The following EPB41L2 variants were observed in gnomAD, a reference collection of about 807,000 sequenced individuals.
EPB41L2 encodes erythrocyte membrane protein band 4.1 like 2, also known as band 4.1-like protein 2.
EPB41L2 carries 43 observed loss-of-function variants against 113.0 expected under a neutral mutation model. The observed-to-expected ratio is 0.38, with a 90% confidence interval of 0.30 to 0.49. The LOEUF is 0.49. Among genes scored for constraint, EPB41L2 ranks in the 20% least tolerant of loss-of-function variants. EPB41L2 has a pLI of 0.95. For synonymous variants in EPB41L2, 442 were observed against 436.7 expected, an observed-to-expected ratio of 1.01 and a Z score of -0.15; for missense variants, 1,147 against 1,223.4, an observed-to-expected ratio of 0.94 and a Z score of 0.93.
intron 3 of EPB41L2, among the ~76,000 whole-genome samples, chr6:130,933,649 G>A (rs968743792): frequency 1.3e-5 from 2 of 152,112 alleles, no homozygotes; most frequent in Admixed American, 1.3e-4. Context: ...TAGAATGCTA[G>A]CTTTTGGGAA....
intron 1 of EPB41L2, among the ~76,000 whole-genome samples, chr6:131,029,558 T>C (rs1791632924): frequency 6.6e-6 from 1 of 152,174 alleles, no homozygotes; most frequent in South Asian, 2.1e-4. Flanking sequence ...GATTCAACAT[T>C]AGAACTATCA....
At chr6:130,952,012 G>T (rs1815288304) in intron 3 of EPB41L2, among the ~76,000 whole-genome samples, 1 of 152,152 alleles carries the variant, frequency 6.6e-6, no homozygotes, top group South Asian at 2.1e-4. Flanking sequence ...TAAAAGTCGT[G>T]AAGATTTGCA....
At chr6:130,957,481 T>C (rs547925998) in intron 1 of EPB41L2, among the ~76,000 whole-genome samples, 5 of 152,266 alleles carry the variant, frequency 3.3e-5, no homozygotes, top group South Asian at 2.1e-4. Flanking sequence ...CAACGAGTAG[T>C]GTCCCAGCTA....
chr6:131,005,202 A>G (rs911001449), intron 1 of EPB41L2, among the ~76,000 whole-genome samples: 2 of 151,990 alleles, frequency 1.3e-5, no homozygotes, highest in Non-Finnish European at 2.9e-5. Context: ...TTAACCTTCA[A>G]AAACCTCTAA....
At chr6:130,979,857 G>T (rs1778995533) in intron 1 of EPB41L2, among the ~76,000 whole-genome samples, 1 of 152,194 alleles carries the variant, frequency 6.6e-6, no homozygotes, top group Non-Finnish European at 1.5e-5. Flanking sequence ...ACAGAGCCTG[G>T]TTTCCAGACT....
Position 130,865,572 on chromosome 6 carries a change from C to T in EPB41L2, c.2793G>A (p.Glu931=). The change falls in exon 17 of 20, where the codon GAG becomes GAA. Residue 931 remains glutamate, a synonymous_variant. Transcript: ENST00000337057. The part of the protein sequence containing the change: ...TLLTAQTITS[E]SVSTTTTTHI... ...GTGTGGTTGTCGTTGTTGACACGGA[C>T]TCAGATGTGATGGTTTGTGCGGTCA... is the stretch of plus-strand genomic sequence containing the variant. 6.2e-7 allele frequency: 1 copy of T among 1,614,154 alleles called. No individual in the cohort carries two copies. Among genetic ancestry groups the T allele is most frequent in the Non-Finnish European group, 8.5e-7 (1 of 1,180,038 alleles).
rs1318448298 is a variant in EPB41L2 at position 130,839,639 on chromosome 6, T to G, written c.*965A>C. ...AACTATCTGAAAGAGATAGGCCTGCTCAATAACAAAAGGTAAGTTTTACAT... is the reference window on the plus strand; with the variant it reads ...AACTATCTGAAAGAGATAGGCCTGCGCAATAACAAAAGGTAAGTTTTACAT... On this transcript the variant is annotated 3_prime_UTR_variant, in exon 20 of 20. Coordinates refer to ENST00000337057, the MANE Select transcript of EPB41L2 (RefSeq NM_001431.4). The G allele has an allele frequency of 6.6e-6, 1 of 152,164 alleles. No homozygotes were observed. Among genetic ancestry groups the G allele is most frequent in the Non-Finnish European group, 1.5e-5 (1 of 68,040 alleles). 9.4% of individuals were successfully genotyped at this position (152,164 alleles called of 1,614,324 possible).
chr6:130,878,351 T>TAA (rs941808980), intron 13 of EPB41L2, 101 bp from the exon 14 acceptor site: 42 of 1,196,150 alleles, frequency 3.5e-5, no homozygotes, highest in East Asian at 6.3e-5. Flanking sequence ...AACTTACGAT[T>TAA]AAAAAAAAAA....
intron 1 of EPB41L2, among the ~76,000 whole-genome samples, chr6:131,018,889 G>C (rs992001665): frequency 2.0e-5 from 3 of 152,110 alleles, no homozygotes; most frequent in Non-Finnish European, 2.9e-5. Context: ...GTTCAAATCA[G>C]GTTTACTGGT....
At chr6:130,898,335 G>C (rs1001534291) in intron 8 of EPB41L2, among the ~76,000 whole-genome samples, 1 of 152,120 alleles carries the variant, frequency 6.6e-6, no homozygotes, top group Non-Finnish European at 1.5e-5. Context: ...CAGAGGCCTA[G>C]GGAGGAAAGA....
intron 18 of EPB41L2, among the ~76,000 whole-genome samples, chr6:130,862,461 C>T (rs747870212): frequency 3.9e-5 from 6 of 152,168 alleles, no homozygotes; most frequent in African/African-American, 1.2e-4. Flanking sequence ...ATTTCTCAGG[C>T]GAAACTCAAG....
At chr6:130,983,214 C>A (rs745963033) in intron 1 of EPB41L2, among the ~76,000 whole-genome samples, 21 of 152,218 alleles carry the variant, frequency 1.4e-4, no homozygotes, top group Non-Finnish European at 3.1e-4. Context: ...ATGTTTCTAT[C>A]TTCCAAACAC....
At chr6:131,018,507 T>C (rs1201820632) in intron 1 of EPB41L2, among the ~76,000 whole-genome samples, 2 of 152,204 alleles carry the variant, frequency 1.3e-5, no homozygotes, top group Admixed American at 1.3e-4. Flanking sequence ...TGTGAACCTT[T>C]TCTTTTCACT....
rs368749620 is a variant in EPB41L2 at position 131,001,348 on chromosome 6, C to T, written c.-14-44849G>A. On this transcript the variant is annotated intron_variant, in intron 1 of 19. Coordinates refer to ENST00000337057, the MANE Select transcript of EPB41L2 (RefSeq NM_001431.4). ...GAAAGAGAAAGAGAGCACGTGAGCG[C>T]GAACAAGCATGTGCAGGCAAGCAGT... is the stretch of plus-strand genomic sequence containing the variant. Among the ~76,000 whole-genome samples the T allele has an allele frequency of 9.2e-5, 14 of 152,076 alleles. No individual in the cohort carries two copies. The South Asian group carries it at 1.0e-3, about 11-fold the overall frequency.
At chr6:130,985,155 T>C (rs1193911621) in intron 1 of EPB41L2, among the ~76,000 whole-genome samples, 2 of 152,186 alleles carry the variant, frequency 1.3e-5, no homozygotes, top group East Asian at 1.9e-4. Flanking sequence ...AGATCTTCTG[T>C]TCCTGTTTGC....
Position 130,865,741 on chromosome 6 carries a change from T to A in EPB41L2, c.2731-107A>T. ...TGCATCTTTTAAAATCCATGTGGTT[T>A]GCGTGTTTGCAGTAGTAATTACCAT... On this transcript the variant is annotated intron_variant, in intron 16 of 19. Transcript: ENST00000337057. 3.4e-6 allele frequency: 4 copies of A among 1,177,836 alleles called. No individual in the cohort carries two copies. The East Asian group carries it at 1.0e-4, about 29-fold the overall frequency. 73.0% of individuals were successfully genotyped at this position (1,177,836 alleles called of 1,614,324 possible). A position where few individuals can be genotyped will look rare whatever the true frequency, so the allele number is the denominator to read the frequency against.
chr6:130,923,345 A>G (rs540508395), intron 4 of EPB41L2, among the ~76,000 whole-genome samples: 2 of 152,296 alleles, frequency 1.3e-5, no homozygotes, highest in Admixed American at 1.3e-4. Context: ...TCAGCCTATC[A>G]ATGGTTTGCC....
intron 4 of EPB41L2, 90 bp from the exon 5 acceptor site, chr6:130,908,953 C>A: frequency 9.5e-7 from 1 of 1,048,366 alleles, no homozygotes; most frequent in Non-Finnish European, 1.4e-6. Flanking sequence ...TAAGTGTAAA[C>A]ACATTTTAAT....
chr6:131,060,965 A>G lies in EPB41L2; in HGVS notation c.-15+2190T>C, dbSNP rs1225760386. Among the ~76,000 whole-genome samples the G allele has an allele frequency of 2.6e-5, 4 of 152,202 alleles. No homozygotes were observed. The East Asian group carries it at 5.8e-4, about 22-fold the overall frequency. ...AAATTTTACTGAAATTATAGCTTTA[A>G]CTGATTTTTTAAAATCACTTTTAAT... On this transcript the variant is annotated intron_variant, in intron 1 of 19. Coordinates refer to ENST00000337057, the MANE Select transcript of EPB41L2 (RefSeq NM_001431.4).
Sources: gnomAD v4.1 joint callset for allele counts (sites outside exome capture counted in the v4.1 genomes callset) on GRCh38, gnomAD v4.1.1 for gene constraint, MANE v1.5 for transcripts, NCBI Gene and HGNC (gene_info 2026-07-23, HGNC 2026-07-21) for gene names.